Variants in IL16 observed in about 807,000 individuals in gnomAD.
IL16 encodes the protein pro-interleukin-16.
Under a neutral mutation model 110.1 loss-of-function variants are expected in IL16, and 67 were observed. The observed-to-expected ratio is 0.61, with a 90% CI of 0.50 to 0.75. IL16 has a LOEUF of 0.75. IL16 is among the 30% of genes least tolerant of loss of function. The pLI, the probability that IL16 is intolerant of heterozygous loss-of-function variation, is 0.00. For missense variants in IL16, 1,545 were observed against 1,655.0 expected, an observed-to-expected ratio of 0.93 and a Z score of 1.15; for synonymous variants, 689 against 662.9, an observed-to-expected ratio of 1.04 and a Z score of -0.61.
intron 1 of IL16, among the ~76,000 whole-genome samples, chr15:81,221,250 A>G (rs1896606052): frequency 9.2e-5 from 14 of 152,160 alleles, no homozygotes; most frequent in Admixed American, 9.2e-4. Flanking sequence ...GCATTAGCTT[A>G]GCCATGTTAG....
In IL16 at chr15:81,294,312, A is replaced by G. The variant is rs538397833; in HGVS notation, c.1902+1275A>G. On this transcript the variant is annotated intron_variant, in intron 12 of 18. Transcript: ENST00000683961. ...CTCCCACCCCCTCTTTTAAGCCCAT[A>G]TTTCATTTTCCCTTGGGCCTGAGAC... Among the ~76,000 whole-genome samples the G allele has an allele frequency of 2.0e-5, 3 of 152,246 alleles. No homozygotes were observed. In the South Asian group the frequency reaches 6.2e-4, roughly 32 times the overall value.
intron 1 of IL16, among the ~76,000 whole-genome samples, chr15:81,187,694 A>T (rs147424647): frequency 3.9e-5 from 6 of 152,324 alleles, no homozygotes; most frequent in African/African-American, 1.4e-4. Context: ...CTTGTTGCTA[A>T]CTTTAAAGAC....
chr15:81,299,574 A>G lies in IL16; in HGVS notation c.2248A>G (p.Thr750Ala). Residue 750 changes from threonine (T) to alanine (A), a missense_variant, in exon 14 of 19, where the codon ACA becomes GCA. By Grantham distance (58) the Thr-to-Ala change is moderately conservative. Around this residue, in one of 3 missense-constraint regions of IL16, gnomAD observed 1,185 missense variants for 1,238.8 expected, o/e 0.96. Coordinates refer to ENST00000683961, the MANE Select transcript of IL16 (RefSeq NM_172217.5). ...TGCCAGCCTGAATGAAGAAGAAGGG[A>G]CACAGGGCCACCCAGATGGGACCCC... The part of the protein sequence containing the change: ...PNASLNEEEG[T>A]QGHPDGTPPK... 6.2e-7 allele frequency: 1 copy of G among 1,614,174 alleles called. No individual in the cohort carries two copies. The highest frequency in any genetic ancestry group is 8.5e-7 in the Non-Finnish European group (1 of 1,180,028).
At chr15:81,278,437 T>C (rs944582959) in intron 6 of IL16, among the ~76,000 whole-genome samples, 31 of 152,180 alleles carry the variant, frequency 2.0e-4, no homozygotes, top group African/African-American at 7.5e-4. Context: ...GGACAAGCAT[T>C]TAACTGCACA....
At chr15:81,278,735 G>A (rs1471882021) in intron 6 of IL16, 82 bp from the exon 7 acceptor site, 1 of 917,796 alleles carries the variant, frequency 1.1e-6, no homozygotes, top group Non-Finnish European at 1.8e-6. Context: ...CCGGGCAGTT[G>A]GGGAGACTAG....
rs1345240461 is a variant in IL16, at chr15:81,225,604, G to A, written c.205G>A (p.Ala69Thr). Reference sequence around the variant, plus strand: ...TGTGCAGCTGGCAGACACATCGGAGGCTGGGCCCAGCAGTGTTCCTGATCT... The same window carrying A: ...TGTGCAGCTGGCAGACACATCGGAGACTGGGCCCAGCAGTGTTCCTGATCT... Reference protein sequence around the residue: ...SSVQLADTSEAGPSSVPDLAL... With the variant: ...SSVQLADTSETGPSSVPDLAL... Residue 69 changes from alanine (A) to threonine (T), a missense_variant, in exon 2 of 19, where the codon GCT becomes ACT. This residue lies in a region of IL16 where 1,185 missense variants were observed against 1,238.8 expected (regional missense o/e 0.96). Transcript: ENST00000683961. 1.2e-6 allele frequency: 2 copies of A among 1,614,074 alleles called. No individual in the cohort carries two copies. The highest frequency in any genetic ancestry group is 4.5e-5 in the East Asian group (2 of 44,870).
intron 6 of IL16, among the ~76,000 whole-genome samples, chr15:81,278,241 C>T (rs1335629592): frequency 6.6e-6 from 1 of 152,080 alleles, no homozygotes; most frequent in Non-Finnish European, 1.5e-5. Flanking sequence ...TCCCTGTCCC[C>T]AACAAGCTGC....
chr15:81,286,492 G>C (rs918370810), intron 10 of IL16, among the ~76,000 whole-genome samples: 2 of 152,210 alleles, frequency 1.3e-5, no homozygotes, highest in African/African-American at 2.4e-5. Flanking sequence ...GAGTGACTGA[G>C]AACAGATGTT....
At chr15:81,298,991 A>G (rs540035712) in intron 13 of IL16, among the ~76,000 whole-genome samples, 1 of 152,250 alleles carries the variant, frequency 6.6e-6, no homozygotes, top group Non-Finnish European at 1.5e-5. Flanking sequence ...TTAACATGGT[A>G]TCTTGGAGGC....
intron 12 of IL16, 36 bp downstream of exon 12, chr15:81,293,073 G>T: frequency 1.3e-6 from 2 of 1,554,426 alleles, no homozygotes; most frequent in South Asian, 1.2e-5. Flanking sequence ...GTGTTTCCAG[G>T]ACCAGACTCA....
chr15:81,292,458 T>C lies in IL16; in HGVS notation c.1421-98T>C, dbSNP rs13329204. The C allele has an allele frequency of 5.0e-4, 778 of 1,544,610 alleles. 5 individuals are homozygous for C. The African/African-American group carries it at 9.2e-3, about 18-fold the overall frequency. ...CTTCAGATAAGAAGCAGATGGCCGA[T>C]GTGCAGTGTGCTGCCCGTGGCAGTC... On this transcript the variant is annotated intron_variant, in intron 11 of 18. Coordinates refer to ENST00000683961, the MANE Select transcript of IL16 (RefSeq NM_172217.5).
intron 16 of IL16, chr15:81,305,620 A>T (rs1900510226): frequency 2.6e-6 from 1 of 383,820 alleles, no homozygotes; most frequent in African/African-American, 2.0e-5. Flanking sequence ...GAAGCAAAAG[A>T]TTTTATATGG....
exon 1 of IL16, chr15:81,182,781 G>A (rs773069384): frequency 7.7e-6 from 7 of 907,926 alleles, no homozygotes; most frequent in South Asian, 5.5e-5. Context: ...AGCTGCCATC[G>A]ATCCTCCCAT....
Position 81,303,666 on chromosome 15 carries a change from A to G in IL16, c.3420+16A>G, listed in dbSNP as rs772905691. ...GGTGATTACGGTGAGTGGCCAAGTG[A>G]AGGGGCATGTCACAGCCAGAGGCAA... On this transcript the variant is annotated intron_variant, in intron 16 of 18. Transcript: ENST00000683961. This position sits in a 1 kb window ranked among gnomAD's most constrained non-coding sequence, Gnocchi z 4.1. 2 of 1,531,490 alleles carry G rather than the reference A, an allele frequency of 1.3e-6. No homozygotes were observed. Among genetic ancestry groups the G allele is most frequent in the Non-Finnish European group, 1.8e-6 (2 of 1,104,970 alleles). 94.9% of individuals were successfully genotyped at this position (1,531,490 alleles called of 1,614,324 possible).
rs779450656 is a variant in IL16 at position 81,282,763 on chromosome 15, C to G, written c.1199+7C>G. 1.3e-6 allele frequency: 2 copies of G among 1,589,394 alleles called. No homozygotes were observed. Among genetic ancestry groups the G allele is most frequent in the Non-Finnish European group, 1.7e-6 (2 of 1,157,610 alleles). ...ACCTGGACGGACGTCTCCGGTATGT[C>G]CTCACTTCTGTTTCTGAATATACCC... On this transcript the variant is annotated splice_region_variant and intron_variant, in intron 9 of 18. Transcript: ENST00000683961.
intron 16 of IL16, among the ~76,000 whole-genome samples, chr15:81,304,759 T>C (rs1185959161): frequency 6.6e-6 from 1 of 151,994 alleles, no homozygotes; most frequent in Non-Finnish European, 1.5e-5. Flanking sequence ...AGAGGAGAGG[T>C]TCTGCTTCAT....
At chr15:81,245,724 CTT>C (rs1009292228) in intron 2 of IL16, among the ~76,000 whole-genome samples, 40 of 61,262 alleles carry the variant, frequency 6.5e-4, no homozygotes, top group African/African-American at 2.5e-3. Context: ...TTTGTTTTGG[CTT>C]TTTTTTTTTT....
At chr15:81,255,775 C>T (rs1402582150) in intron 2 of IL16, among the ~76,000 whole-genome samples, 1 of 140,720 alleles carries the variant, frequency 7.1e-6, no homozygotes, top group Non-Finnish European at 1.6e-5. Context: ...TCTGGGTGGG[C>T]GGGGCAGGGA....
chr15:81,200,542 T>G (rs8040535), intron 1 of IL16, among the ~76,000 whole-genome samples: 4 of 151,854 alleles, frequency 2.6e-5, no homozygotes, highest in African/African-American at 9.7e-5. Context: ...GATAATTTTT[T>G]GTATTTTTAT....
Sources: gnomAD v4.1 joint callset for allele counts (sites outside exome capture counted in the v4.1 genomes callset) on GRCh38, gnomAD v4.1.1 for gene constraint, gnomAD v4.1.1 regional missense constraint, Gnocchi (gnomAD v3.1) non-coding constraint, MANE v1.5 for transcripts, NCBI Gene and HGNC (gene_info 2026-07-23, HGNC 2026-07-21) for gene names.